The following PALM2AKAP2 variants were observed in gnomAD, a reference collection of about 807,000 sequenced individuals.
PALM2AKAP2 encodes PALM2-AKAP2 fusion protein.
Under a neutral mutation model 71.5 loss-of-function variants are expected in PALM2AKAP2, and 37 were observed. The ratio of observed to expected loss-of-function variants is 0.52; its 90% confidence interval spans 0.40 to 0.68. PALM2AKAP2 has a LOEUF of 0.68. Among genes scored for constraint, PALM2AKAP2 ranks in the 30% least tolerant of loss-of-function variants. The pLI, the probability that PALM2AKAP2 is intolerant of heterozygous loss-of-function variation, is 0.00. For synonymous variants in PALM2AKAP2, 468 were observed against 478.8 expected, an observed-to-expected ratio of 0.98 and a Z score of 0.29; for missense variants, 1,224 against 1,191.8, an observed-to-expected ratio of 1.03 and a Z score of -0.40.
chr9:109,879,058 A>C, intron 2 of PALM2AKAP2, among the ~76,000 whole-genome samples: 1 of 152,102 alleles, frequency 6.6e-6, no homozygotes, highest in South Asian at 2.1e-4. Context: ...ATTTTTAAAG[A>C]CTCATCAGTT....
intron 1 of PALM2AKAP2, among the ~76,000 whole-genome samples, chr9:109,811,594 T>C (rs1437746182): frequency 6.6e-6 from 1 of 152,202 alleles, no homozygotes; most frequent in Non-Finnish European, 1.5e-5. Flanking sequence ...TTTTTAGAGA[T>C]GGAGTCTTGC....
chr9:109,681,680 G>A (rs1827735618), intron 1 of PALM2AKAP2, among the ~76,000 whole-genome samples: 1 of 152,192 alleles, frequency 6.6e-6, no homozygotes. Context: ...TGGATAGGCT[G>A]AAATTTGAAC....
intron 1 of PALM2AKAP2, among the ~76,000 whole-genome samples, chr9:109,678,500 G>A (rs1827679663): frequency 6.6e-6 from 1 of 152,190 alleles, no homozygotes; most frequent in Non-Finnish European, 1.5e-5. Context: ...TGTTTACCAT[G>A]CTTTATATTC....
intron 1 of PALM2AKAP2, among the ~76,000 whole-genome samples, chr9:109,797,524 C>T (rs887062039): frequency 2.0e-5 from 3 of 152,158 alleles, no homozygotes; most frequent in Non-Finnish European, 2.9e-5. Context: ...AGAATCTTTC[C>T]TGGTTCTGAA....
At chr9:109,804,249 G>C (rs10816879) in intron 1 of PALM2AKAP2, among the ~76,000 whole-genome samples, 26,952 of 152,068 alleles carry the variant, frequency 0.18, 2,797 homozygotes, top group East Asian at 0.35. Context: ...AGCATGGCAT[G>C]GAGGAAATAA....
In PALM2AKAP2 at chr9:110,079,590, A is replaced by G. The variant is rs190385580; in HGVS notation, c.156+30735A>G. ...GGAATAGTGTGGAAAAGACTTGGGG[A>G]AAAAAAAATCATCATGATTCAGCCA... On this transcript the variant is annotated intron_variant, in intron 1 of 3. Transcript: ENST00000374525. Among the ~76,000 whole-genome samples the G allele has an allele frequency of 1.3e-4, 20 of 151,396 alleles. No individual in the cohort carries two copies. In the East Asian group the frequency reaches 2.3e-3, roughly 18 times the overall value.
At chr9:110,012,839 A>G (rs1242290190) in intron 6 of PALM2AKAP2, among the ~76,000 whole-genome samples, 1 of 152,220 alleles carries the variant, frequency 6.6e-6, no homozygotes, top group Non-Finnish European at 1.5e-5. Context: ...AATTCTTTCC[A>G]AAGTGAAATA....
chr9:109,699,586 G>A (rs1007915908), intron 1 of PALM2AKAP2, among the ~76,000 whole-genome samples: 11 of 152,114 alleles, frequency 7.2e-5, no homozygotes, highest in African/African-American at 1.9e-4. Context: ...ATATGAGAAA[G>A]CACTTAAAGT....
At chr9:109,790,481 G>T (rs1308600038) in intron 1 of PALM2AKAP2, among the ~76,000 whole-genome samples, 3 of 152,178 alleles carry the variant, frequency 2.0e-5, no homozygotes, top group East Asian at 1.9e-4. Context: ...TAACCCCTTT[G>T]GTGGCAGGCA....
chr9:109,724,361 G>T (rs1425996249), intron 1 of PALM2AKAP2, among the ~76,000 whole-genome samples: 4 of 152,112 alleles, frequency 2.6e-5, no homozygotes, highest in African/African-American at 9.7e-5. Context: ...TCCCAGTGAG[G>T]TTTTGTGGTA....
chr9:109,727,058 C>T (rs1828487766), intron 1 of PALM2AKAP2, among the ~76,000 whole-genome samples: 1 of 152,214 alleles, frequency 6.6e-6, no homozygotes, highest in Non-Finnish European at 1.5e-5. Context: ...CACTATCTAA[C>T]CATATCGCAG....
chr9:109,770,778 G>A (rs1564141452), intron 1 of PALM2AKAP2, among the ~76,000 whole-genome samples: 1 of 152,170 alleles, frequency 6.6e-6, no homozygotes, highest in Non-Finnish European at 1.5e-5. Context: ...GGATATAGGT[G>A]TCAACATCCA....
At chr9:110,044,383 CCTCT>C (rs1395579370), upstream of PALM2AKAP2, among the ~76,000 whole-genome samples, 1 of 130,368 alleles carries the variant, frequency 7.7e-6, no homozygotes, top group East Asian at 2.1e-4. Context: ...ATGAAGTCTC[CCTCT>C]GTCGCCCAGG....
upstream of PALM2AKAP2, among the ~76,000 whole-genome samples, chr9:109,775,960 C>T (rs139615616): frequency 2.5e-3 from 378 of 152,282 alleles, 2 homozygotes; most frequent in African/African-American, 8.7e-3. Context: ...ACCACTAAAC[C>T]GTACAGATGG....
chr9:109,733,639 C>A (rs1253109727), intron 1 of PALM2AKAP2, among the ~76,000 whole-genome samples: 3 of 152,202 alleles, frequency 2.0e-5, no homozygotes, highest in Non-Finnish European at 4.4e-5. Flanking sequence ...CAGTTTATAA[C>A]CCTATGGCCT....
intron 3 of PALM2AKAP2, among the ~76,000 whole-genome samples, chr9:109,902,757 G>T (rs1830357969): frequency 6.6e-6 from 1 of 152,188 alleles, no homozygotes; most frequent in Non-Finnish European, 1.5e-5. Flanking sequence ...CCTTGGCCCT[G>T]CTTGGACTTT....
intron 3 of PALM2AKAP2, among the ~76,000 whole-genome samples, chr9:109,908,216 G>A (rs920886224): frequency 1.4e-4 from 21 of 152,220 alleles, no homozygotes; most frequent in African/African-American, 4.8e-4. Context: ...CAGGCAAGGG[G>A]TGGAGTGACA....
At chr9:109,823,892 C>CAAAA in intron 1 of PALM2AKAP2, among the ~76,000 whole-genome samples, 1 of 152,054 alleles carries the variant, frequency 6.6e-6, no homozygotes, top group African/African-American at 2.4e-5. Context: ...GCCTTTGAAC[C>CAAAA]ACACTTTATT....
At chr9:110,074,819 A>G (rs1020656141) in intron 1 of PALM2AKAP2, among the ~76,000 whole-genome samples, 10 of 152,058 alleles carry the variant, frequency 6.6e-5, no homozygotes, top group Non-Finnish European at 1.3e-4. Context: ...CCTGGCCAAC[A>G]TGGTGAAACC....
Sources: gnomAD v4.1 joint callset for allele counts (sites outside exome capture counted in the v4.1 genomes callset) on GRCh38, gnomAD v4.1.1 for gene constraint, MANE v1.5 for transcripts, NCBI Gene and HGNC (gene_info 2026-07-23, HGNC 2026-07-21) for gene names.